Variants in DNAH14 observed in about 807,000 individuals in gnomAD.
DNAH14 encodes the protein dynein axonemal heavy chain 14, also known as axonemal beta dynein heavy chain 14.
Under a neutral mutation model 520.9 loss-of-function variants are expected in DNAH14, and 478 were observed. The observed-to-expected ratio is 0.92, with a 90% CI of 0.85 to 0.99. DNAH14 has a LOEUF of 0.99. DNAH14 is among the 50% of genes least tolerant of loss of function. DNAH14 has a pLI of 0.00. For missense variants in DNAH14, 4,831 were observed against 5,234.5 expected, an observed-to-expected ratio of 0.92 and a Z score of 2.38; for synonymous variants, 1,581 against 1,757.2, an observed-to-expected ratio of 0.90 and a Z score of 2.51.
At chr1:225,220,050 C>T (rs1174168802) in intron 41 of DNAH14, among the ~76,000 whole-genome samples, 2 of 152,094 alleles carry the variant, frequency 1.3e-5, no homozygotes, top group Non-Finnish European at 1.5e-5. Context: ...GAACCAATGT[C>T]GAAAATCATG....
At chr1:225,244,426 A>G (rs1045015221) in intron 43 of DNAH14, among the ~76,000 whole-genome samples, 1 of 152,114 alleles carries the variant, frequency 6.6e-6, no homozygotes, top group African/African-American at 2.4e-5. Context: ...CAGAAGGAAT[A>G]GTACCAGCTC....
chr1:225,377,150 G>T, intron 78 of DNAH14, 87 bp from the exon 79 acceptor site: 1 of 1,060,750 alleles, frequency 9.4e-7, no homozygotes, highest in Non-Finnish European at 1.3e-6. Flanking sequence ...ATTACTGAAA[G>T]TAGGTATCTT....
chr1:225,048,332 C>T (rs1401566661), intron 15 of DNAH14, among the ~76,000 whole-genome samples: 2 of 152,018 alleles, frequency 1.3e-5, no homozygotes, highest in South Asian at 2.1e-4. Flanking sequence ...GAAACCCTGT[C>T]TCTACAAAAT....
intron 16 of DNAH14, among the ~76,000 whole-genome samples, chr1:225,051,079 G>A (rs922777532): frequency 1.3e-5 from 2 of 152,174 alleles, no homozygotes; most frequent in African/African-American, 2.4e-5. Flanking sequence ...CTAACAGGCC[G>A]TGGACTGGCA....
chr1:225,133,009 G>A (rs1447011411), intron 27 of DNAH14, among the ~76,000 whole-genome samples: 9 of 151,930 alleles, frequency 5.9e-5, no homozygotes, highest in African/African-American at 2.2e-4. Context: ...TTTGTTGGGC[G>A]CATGTATGTC....
chr1:225,117,735 A>G lies in DNAH14; in HGVS notation c.3919A>G (p.Asn1307Asp). The change falls in exon 24 of 86, where the codon AAT becomes GAT. Residue 1307 changes from asparagine to aspartate, a missense_variant. By Grantham distance (23) the Asn-to-Asp change is conservative. Coordinates refer to ENST00000682510, the MANE Select transcript of DNAH14 (RefSeq NM_001367479.1). Reference protein sequence around the residue: ...LIFPRFYFLSNAELLDILADS... With the variant: ...LIFPRFYFLSDAELLDILADS... ...TTTCCCAAGATTTTACTTTCTTAGCAATGCCGAGCTTCTTGATATTCTAGC... is the reference window on the plus strand; with the variant it reads ...TTTCCCAAGATTTTACTTTCTTAGCGATGCCGAGCTTCTTGATATTCTAGC... 1.3e-6 allele frequency: 2 copies of G among 1,550,744 alleles called. No homozygotes were observed. Among genetic ancestry groups the G allele is most frequent in the Non-Finnish European group, 1.7e-6 (2 of 1,146,828 alleles).
In DNAH14 at chr1:225,289,895, A is replaced by G. The variant is rs964151120; in HGVS notation, c.8282A>G (p.Asp2761Gly). 1.4e-6 allele frequency: 2 copies of G among 1,418,392 alleles called. No homozygotes were observed. The highest frequency in any genetic ancestry group is 1.9e-6 in the Non-Finnish European group (2 of 1,075,542). 87.9% of individuals were successfully genotyped at this position (1,418,392 alleles called of 1,614,324 possible). A position where few individuals can be genotyped will look rare whatever the true frequency, so the allele number is the denominator to read the frequency against. The change falls in exon 55 of 86, where the codon GAT becomes GGT. Residue 2761 changes from aspartate to glycine, a missense_variant. By Grantham distance (94) the Asp-to-Gly change is moderately conservative. Coordinates refer to ENST00000682510, the MANE Select transcript of DNAH14 (RefSeq NM_001367479.1). ...PGSHMLLIGIDGCGKKTCATL... is the reference protein window; with the variant it reads ...PGSHMLLIGIGGCGKKTCATL... Reference sequence around the variant, plus strand: ...TCTTTTCTCCCAAAGATTGGAATAGATGGATGTGGGAAAAAAACATGTGCA... The same window carrying G: ...TCTTTTCTCCCAAAGATTGGAATAGGTGGATGTGGGAAAAAAACATGTGCA...
At chr1:224,962,227 AAT>A (rs1158750508) in intron 4 of DNAH14, among the ~76,000 whole-genome samples, 1 of 152,162 alleles carries the variant, frequency 6.6e-6, no homozygotes, top group African/African-American at 2.4e-5. Flanking sequence ...AGAACCTGTG[AAT>A]ATGATGGACT....
chr1:224,951,839 G>A (rs918018007), intron 1 of DNAH14, among the ~76,000 whole-genome samples: 1 of 151,834 alleles, frequency 6.6e-6, no homozygotes, highest in Non-Finnish European at 1.5e-5. Context: ...TTTTAGTAGA[G>A]ACGGGGTTTC....
intron 49 of DNAH14, among the ~76,000 whole-genome samples, chr1:225,267,747 T>C (rs1005599379): frequency 1.3e-5 from 2 of 151,908 alleles, no homozygotes; most frequent in African/African-American, 4.8e-5. Context: ...AGTGGTTGCA[T>C]TACAAATGGT....
chr1:225,202,546 C>T lies in DNAH14; in HGVS notation c.5887-1637C>T, dbSNP rs116784876. Among the ~76,000 whole-genome samples, 623 of 152,242 alleles carry T rather than the reference C, an allele frequency of 4.1e-3. 2 individuals carry two copies. The highest frequency in any genetic ancestry group is 0.014 in the African/African-American group (584 of 41,546). On this transcript the variant is annotated intron_variant, in intron 38 of 85. Transcript: ENST00000682510. Reference sequence around the variant, plus strand: ...GCTAGTCTCACTCCCACTGTGTCCCCGCAATAGCACCGGGTCTGTTTCCAG... The same window carrying T: ...GCTAGTCTCACTCCCACTGTGTCCCTGCAATAGCACCGGGTCTGTTTCCAG...
intron 21 of DNAH14, among the ~76,000 whole-genome samples, chr1:225,091,389 T>G (rs2074380548): frequency 6.6e-6 from 1 of 152,098 alleles, no homozygotes; most frequent in East Asian, 1.9e-4. Flanking sequence ...GACCTTTCAG[T>G]AGAAACCCTA....
chr1:225,155,498 T>G (rs145386728), intron 34 of DNAH14, among the ~76,000 whole-genome samples: 4 of 152,318 alleles, frequency 2.6e-5, no homozygotes, highest in African/African-American at 9.6e-5. Context: ...GTTTTATGAT[T>G]TTTTAACAAA....
In DNAH14 at chr1:225,374,694, A is replaced by G. The variant is rs2095673886; in HGVS notation, c.12325A>G (p.Ile4109Val). 5.2e-6 allele frequency: 8 copies of G among 1,547,668 alleles called. No individual in the cohort carries two copies. The highest frequency in any genetic ancestry group is 7.0e-6 in the Non-Finnish European group (8 of 1,144,296). ...ACTCATGGGTTTTCCAAAGGTTGCC[A>G]TTAAGGTGTTGGAAAATTCCCTGAG... ...KFNSSDLGVAIKVLENSLRGQ... is the reference protein window; with the variant it reads ...KFNSSDLGVAVKVLENSLRGQ... Residue 4109 changes from isoleucine to valine, a missense_variant, in exon 78 of 86, where the codon ATT (isoleucine) becomes GTT (valine). Coordinates refer to ENST00000682510, the MANE Select transcript of DNAH14 (RefSeq NM_001367479.1).
intron 17 of DNAH14, among the ~76,000 whole-genome samples, chr1:225,078,768 ATCTC>A (rs1170812870): frequency 1.7e-3 from 26 of 15,672 alleles, no homozygotes; most frequent in African/African-American, 7.7e-3. Flanking sequence ...CCCATTCTCA[ATCTC>A]TCTCTCTCTC....
chr1:225,201,140 T>C (rs2086772584), intron 38 of DNAH14, among the ~76,000 whole-genome samples: 1 of 152,030 alleles, frequency 6.6e-6, no homozygotes, highest in Admixed American at 6.5e-5. Context: ...TCCCTTCTGC[T>C]TGTTCAATTC....
At position 225,336,176 on chromosome 1, in the gene DNAH14, A is replaced by T. The variant is rs369400739; in HGVS notation, c.10081-1090A>T. 2.2e-4 allele frequency among the ~76,000 whole-genome samples: 33 copies of T among 150,556 alleles called. No individual in the cohort carries two copies. The South Asian group carries it at 6.7e-3, about 31-fold the overall frequency. ...CAACCTCATATATATATATAAAGTTATAAGACTATGCAACAGTATAAACCA... is the reference window on the plus strand; with the variant it reads ...CAACCTCATATATATATATAAAGTTTTAAGACTATGCAACAGTATAAACCA... On this transcript the variant is annotated intron_variant, in intron 66 of 85. Coordinates refer to ENST00000682510, the MANE Select transcript of DNAH14 (RefSeq NM_001367479.1).
intron 52 of DNAH14, among the ~76,000 whole-genome samples, chr1:225,273,713 C>T (rs2093379108): frequency 6.6e-6 from 1 of 152,184 alleles, no homozygotes; most frequent in African/African-American, 2.4e-5. Context: ...CTCAACAAGA[C>T]TCCTCATCCT....
intron 54 of DNAH14, among the ~76,000 whole-genome samples, chr1:225,283,014 A>T (rs996531087): frequency 6.6e-6 from 1 of 152,076 alleles, no homozygotes; most frequent in African/African-American, 2.4e-5. Flanking sequence ...ATCATTCAAT[A>T]AATAGTTATT....
Sources: allele counts gnomAD v4.1 joint callset (sites outside exome capture counted in the v4.1 genomes callset), GRCh38; gene constraint gnomAD v4.1.1; transcripts MANE v1.5; gene names NCBI Gene and HGNC (gene_info 2026-07-23, HGNC 2026-07-21).